Variants in TMEM132C observed in about 807,000 individuals in gnomAD.
TMEM132C encodes the protein protein phosphatase 1, regulatory subunit 152.
TMEM132C carries 29 observed loss-of-function variants against 61.4 expected under a neutral mutation model. The ratio of observed to expected loss-of-function variants is 0.47; its 90% CI spans 0.35 to 0.64. TMEM132C has a LOEUF of 0.64. Among genes scored for constraint, TMEM132C ranks in the 30% least tolerant of loss-of-function variants. The pLI, the probability that TMEM132C is intolerant of heterozygous loss-of-function variation, is 0.00. For missense variants in TMEM132C, 1,408 were observed against 1,476.9 expected (o/e 0.95, Z 0.76); for synonymous variants, 656 against 633.1 (o/e 1.04, Z -0.54).
chr12:128,482,128 C>T (rs1218802591), intron 2 of TMEM132C, among the ~76,000 whole-genome samples: 2 of 152,082 alleles, frequency 1.3e-5, no homozygotes, highest in Admixed American at 6.6e-5. Context: ...TATCGAAGGC[C>T]TTTTCTGCAT....
At chr12:128,678,753 A>G (rs574737348) in intron 5 of TMEM132C, among the ~76,000 whole-genome samples, 4 of 152,284 alleles carry the variant, frequency 2.6e-5, no homozygotes, top group East Asian at 3.9e-4. Flanking sequence ...CTGCTTGTAC[A>G]TCCTGCGATT....
chr12:128,634,134 C>T lies in TMEM132C; in HGVS notation c.1305+17799C>T, dbSNP rs142213769. 5.2e-3 allele frequency among the ~76,000 whole-genome samples: 790 copies of T among 152,286 alleles called. 9 individuals carry two copies. Among genetic ancestry groups the T allele is most frequent in the African/African-American group, 0.018 (731 of 41,560 alleles). On this transcript the variant is annotated intron_variant, in intron 4 of 8. Coordinates refer to ENST00000435159, the MANE Select transcript of TMEM132C (RefSeq NM_001136103.3). ...TGTCTTCCAGGCTGGAGTGCAGTGG[C>T]GTGATCACAGCTCACTGCATCCTCG...
chr12:128,511,296 G>A (rs1276215574), intron 2 of TMEM132C, among the ~76,000 whole-genome samples: 2 of 152,198 alleles, frequency 1.3e-5, no homozygotes, highest in African/African-American at 2.4e-5. Context: ...CACTTATTAA[G>A]CCCTGGGTAG....
chr12:128,638,517 C>T (rs1954119686), intron 4 of TMEM132C, among the ~76,000 whole-genome samples: 1 of 152,186 alleles, frequency 6.6e-6, no homozygotes, highest in African/African-American at 2.4e-5. Flanking sequence ...GTTTAATCCT[C>T]ATAGCATCTG....
intron 2 of TMEM132C, among the ~76,000 whole-genome samples, chr12:128,535,335 T>G (rs2136139825): frequency 1.3e-5 from 2 of 152,100 alleles, no homozygotes; most frequent in South Asian, 4.2e-4. Context: ...TTGCAATCTA[T>G]CCATCTGACA....
chr12:128,392,086 C>G (rs1874786567), intron 1 of TMEM132C, among the ~76,000 whole-genome samples: 1 of 144,534 alleles, frequency 6.9e-6, no homozygotes, highest in South Asian at 2.1e-4. Context: ...CTCTCTCTCT[C>G]TCTCTCTCTC....
intron 1 of TMEM132C, among the ~76,000 whole-genome samples, chr12:128,352,717 A>G (rs112066898): frequency 3.9e-4 from 59 of 152,252 alleles, no homozygotes; most frequent in African/African-American, 1.3e-3. Flanking sequence ...TAGAACCTTA[A>G]CTTTTATAAA....
chr12:128,611,154 G>T (rs998065209), intron 3 of TMEM132C, among the ~76,000 whole-genome samples: 4 of 152,178 alleles, frequency 2.6e-5, no homozygotes, highest in African/African-American at 9.7e-5. Flanking sequence ...AGGCAGAGTT[G>T]TTCGGTCATC....
chr12:128,345,000 C>G (rs1873105773), intron 1 of TMEM132C, among the ~76,000 whole-genome samples: 1 of 150,994 alleles, frequency 6.6e-6, no homozygotes, highest in Non-Finnish European at 1.5e-5. Flanking sequence ...ACAGAACATC[C>G]CATCACCCAG....
chr12:128,588,616 T>G (rs1875637165), intron 3 of TMEM132C, among the ~76,000 whole-genome samples: 1 of 152,080 alleles, frequency 6.6e-6, no homozygotes, highest in African/African-American at 2.4e-5. Flanking sequence ...AATTCATATA[T>G]TAAAATGTAA....
chr12:128,548,027 G>GC (rs1874022397), intron 3 of TMEM132C, among the ~76,000 whole-genome samples: 1 of 152,140 alleles, frequency 6.6e-6, no homozygotes, highest in Admixed American at 6.5e-5. Context: ...ATACATAGAA[G>GC]CCTTCTACAT....
At chr12:128,440,306 C>G (rs1869740344) in intron 2 of TMEM132C, among the ~76,000 whole-genome samples, 1 of 152,184 alleles carries the variant, frequency 6.6e-6, no homozygotes, top group Non-Finnish European at 1.5e-5. Context: ...TTGTAGTTCT[C>G]AACTGCAAAC....
chr12:128,286,972 T>C (rs1871096366), intron 1 of TMEM132C, among the ~76,000 whole-genome samples: 2 of 152,238 alleles, frequency 1.3e-5, no homozygotes, highest in Non-Finnish European at 2.9e-5. Context: ...ATGTTATCTC[T>C]GCCAAATGAT....
intron 1 of TMEM132C, chr12:128,289,177 C>G (rs889621427): frequency 6.6e-6 from 1 of 152,010 alleles, no homozygotes; most frequent in African/African-American, 2.4e-5. Context: ...TGCACTCACA[C>G]ACATACACCT....
chr12:128,307,984 G>A (rs888324612), intron 1 of TMEM132C, among the ~76,000 whole-genome samples: 17 of 152,216 alleles, frequency 1.1e-4, no homozygotes, highest in Non-Finnish European at 2.4e-4. Context: ...TACATTCCAT[G>A]GGAATGAGAG....
At chr12:128,677,402 TAAG>T (rs1329278721) in intron 5 of TMEM132C, among the ~76,000 whole-genome samples, 1 of 151,602 alleles carries the variant, frequency 6.6e-6, no homozygotes, top group Non-Finnish European at 1.5e-5. Context: ...AAGCAGATAA[TAAG>T]AAAATGCATG....
At chr12:128,478,545 G>A (rs937145075) in intron 2 of TMEM132C, among the ~76,000 whole-genome samples, 1 of 152,188 alleles carries the variant, frequency 6.6e-6, no homozygotes, top group Admixed American at 6.5e-5. Flanking sequence ...GTAGAGTGGA[G>A]AGTATTTAAA....
chr12:128,701,511 T>G (rs951912484), intron 8 of TMEM132C, among the ~76,000 whole-genome samples: 1 of 152,232 alleles, frequency 6.6e-6, no homozygotes, highest in Non-Finnish European at 1.5e-5. Flanking sequence ...TCAAACGATG[T>G]CATCAGAATT....
chr12:128,521,609 A>C (rs4882699), intron 2 of TMEM132C, among the ~76,000 whole-genome samples: 143,722 of 152,118 alleles, frequency 0.94, 68,366 homozygotes, highest in East Asian at 1. Context: ...ACTAGATGCT[A>C]AATGTTAGAG....
Sources: gnomAD v4.1 joint callset for allele counts (sites outside exome capture counted in the v4.1 genomes callset) on GRCh38, gnomAD v4.1.1 for gene constraint, MANE v1.5 for transcripts, NCBI Gene and HGNC (gene_info 2026-07-23, HGNC 2026-07-21) for gene names.